The following SLC35F4 variants were observed in gnomAD, a reference collection of about 807,000 sequenced individuals.
SLC35F4 encodes the protein chromosome 14 open reading frame 36.
In SLC35F4, 24 loss-of-function variants were observed where a neutral mutation model predicts 44.2. The ratio of observed to expected loss-of-function variants is 0.54; its 90% CI spans 0.39 to 0.76. SLC35F4 has a LOEUF of 0.76. SLC35F4 is among the 30% of genes least tolerant of loss of function. SLC35F4 has a pLI of 0.00. For synonymous variants in SLC35F4, 238 were observed against 223.6 expected (o/e 1.06, Z -0.57); for missense variants, 562 against 586.1 (o/e 0.96, Z 0.42).
intron 1 of SLC35F4, among the ~76,000 whole-genome samples, chr14:57,882,204 A>T (rs1258008728): frequency 6.6e-6 from 1 of 152,184 alleles, no homozygotes; most frequent in Non-Finnish European, 1.5e-5. Context: ...GAGAAACTAC[A>T]GGAACTCCTG....
rs552846374 is a variant in SLC35F4 at position 57,901,169 on chromosome 14, G to A, written n.282+80744C>T. Among the ~76,000 whole-genome samples the A allele has an allele frequency of 6.6e-5, 10 of 152,214 alleles. No individual in the cohort carries two copies. The East Asian group carries it at 1.2e-3, about 18-fold the overall frequency. ...ATTTGTCCCAGCAATCCCATTACTG[G>A]GTATATATCCAAAGGATTAGAAATC... On this transcript the variant is annotated intron_variant and non_coding_transcript_variant, in intron 1 of 1. Coordinates refer to the SLC35F4 transcript ENST00000556568.
chr14:57,867,940 G>A (rs986668616), upstream of SLC35F4, among the ~76,000 whole-genome samples: 9 of 151,970 alleles, frequency 5.9e-5, no homozygotes, highest in African/African-American at 2.2e-4. Flanking sequence ...AAAACAAGTG[G>A]TTTTTCCCAT....
chr14:57,886,690 T>G (rs933255113), intron 1 of SLC35F4, among the ~76,000 whole-genome samples: 1 of 152,030 alleles, frequency 6.6e-6, no homozygotes, highest in African/African-American at 2.4e-5. Flanking sequence ...GTTCTTTGTA[T>G]AGCTAAAGGT....
intron 4 of SLC35F4, among the ~76,000 whole-genome samples, chr14:57,578,119 A>G (rs987580648): frequency 3.3e-5 from 5 of 151,340 alleles, no homozygotes; most frequent in Admixed American, 6.6e-5. Context: ...AGTGTCTTTC[A>G]CTCTGTTCAT....
At chr14:57,718,089 A>C (rs2075989045) in intron 1 of SLC35F4, among the ~76,000 whole-genome samples, 1 of 152,156 alleles carries the variant, frequency 6.6e-6, no homozygotes, top group Admixed American at 6.5e-5. Context: ...AATTGTTTTG[A>C]TTGCTGGATT....
chr14:57,651,447 A>G (rs971037182), intron 1 of SLC35F4, among the ~76,000 whole-genome samples: 1 of 152,126 alleles, frequency 6.6e-6, no homozygotes, highest in Middle Eastern at 3.4e-3. Context: ...AGCTCTAGTG[A>G]TGTCTGATGT....
At chr14:57,621,222 C>T (rs898632014) in intron 1 of SLC35F4, among the ~76,000 whole-genome samples, 44 of 149,246 alleles carry the variant, frequency 2.9e-4, no homozygotes, top group African/African-American at 9.5e-4. Context: ...GAATCAATAT[C>T]GTGAAAATGG....
intron 1 of SLC35F4, among the ~76,000 whole-genome samples, chr14:57,957,706 A>C (rs1890264458): frequency 6.6e-6 from 1 of 152,180 alleles, no homozygotes; most frequent in African/African-American, 2.4e-5. Flanking sequence ...AGGGTAGTGC[A>C]AGAAGCTCCG....
At chr14:57,847,047 G>A (rs143828717) in intron 1 of SLC35F4, among the ~76,000 whole-genome samples, 91 of 152,306 alleles carry the variant, frequency 6.0e-4, no homozygotes, top group Non-Finnish European at 1.0e-3. Flanking sequence ...AATATTTATA[G>A]CAAGTTGACA....
At chr14:57,874,264 T>C (rs990463667) in intron 1 of SLC35F4, among the ~76,000 whole-genome samples, 2 of 152,182 alleles carry the variant, frequency 1.3e-5, no homozygotes, top group African/African-American at 4.8e-5. Flanking sequence ...AATAGCTCTT[T>C]CCCTGCTGTG....
At chr14:57,623,200 C>T (rs977795928) in intron 1 of SLC35F4, among the ~76,000 whole-genome samples, 3 of 152,108 alleles carry the variant, frequency 2.0e-5, no homozygotes, top group African/African-American at 7.2e-5. Context: ...CAACAAAGAT[C>T]AAAAAAGACA....
At chr14:57,668,061 G>A (rs1465664575) in intron 1 of SLC35F4, among the ~76,000 whole-genome samples, 1 of 149,306 alleles carries the variant, frequency 6.7e-6, no homozygotes, top group African/African-American at 2.5e-5. Context: ...TTGTGGTTTT[G>A]ATTTGCATTT....
chr14:57,788,045 C>T (rs1028862736), intron 1 of SLC35F4, among the ~76,000 whole-genome samples: 2 of 152,160 alleles, frequency 1.3e-5, no homozygotes, highest in Non-Finnish European at 2.9e-5. Context: ...CACATAAGGA[C>T]TCACATAGAC....
chr14:57,976,736 G>C (rs1324750292), downstream of SLC35F4: 1 of 152,118 alleles, frequency 6.6e-6, no homozygotes, highest in African/African-American at 2.4e-5. Context: ...TGTGACACTT[G>C]GTATATAGCC....
chr14:57,781,773 G>A (rs972063305), intron 1 of SLC35F4, among the ~76,000 whole-genome samples: 2 of 152,090 alleles, frequency 1.3e-5, no homozygotes, highest in Admixed American at 6.6e-5. Flanking sequence ...AAAATGAATG[G>A]AGCTGGAGGC....
Position 57,621,875 on chromosome 14 carries a change from C to T in SLC35F4, c.104-27751G>A, listed in dbSNP as rs976832405. On this transcript the variant is annotated intron_variant, in intron 1 of 7. Coordinates refer to ENST00000556826, the MANE Select transcript of SLC35F4 (RefSeq NM_001306087.2). ...CAAAAGAAACTACCATCAGAGTGAA[C>T]AGGCAACCCACAAAATGGGAGAAAA... Among the ~76,000 whole-genome samples the T allele has an allele frequency of 1.8e-3, 273 of 150,402 alleles. 3 individuals carry two copies. The highest frequency in any genetic ancestry group is 6.2e-3 in the African/African-American group (256 of 41,002).
chr14:57,726,478 A>G (rs568883540), intron 1 of SLC35F4, among the ~76,000 whole-genome samples: 2 of 152,218 alleles, frequency 1.3e-5, no homozygotes, highest in Non-Finnish European at 2.9e-5. Flanking sequence ...TTGTGCATAT[A>G]TACACTTGTA....
At chr14:57,862,207 T>A (rs1887740728) in intron 1 of SLC35F4, among the ~76,000 whole-genome samples, 1 of 152,168 alleles carries the variant, frequency 6.6e-6, no homozygotes, top group Non-Finnish European at 1.5e-5. Flanking sequence ...ATATCCAATC[T>A]ATCAGGGTAC....
intron 6 of SLC35F4, among the ~76,000 whole-genome samples, chr14:57,568,450 T>A (rs1484902885): frequency 1.3e-5 from 2 of 152,200 alleles, no homozygotes; most frequent in African/African-American, 4.8e-5. Context: ...ATCTAGGTGC[T>A]TTTAATGAGG....
Sources: gnomAD v4.1 joint callset for allele counts (sites outside exome capture counted in the v4.1 genomes callset) on GRCh38, gnomAD v4.1.1 for gene constraint, MANE v1.5 for transcripts, NCBI Gene and HGNC (gene_info 2026-07-23, HGNC 2026-07-21) for gene names.